RUFY1: variants seen among roughly 807,000 people sequenced by gnomAD.
The protein encoded by RUFY1 is RUN and FYVE domain containing 1, also known as RUN and FYVE domain-containing protein 1.
A neutral mutation model predicts 94.6 loss-of-function variants in RUFY1; 54 were observed. The observed-to-expected ratio is 0.57, with a 90% confidence interval of 0.46 to 0.72. The LOEUF is 0.72. RUFY1 is among the 30% of genes least tolerant of loss of function. The pLI is 0.00. For synonymous variants in RUFY1, 396 were observed against 347.3 expected (o/e 1.14, Z -1.56); for missense variants, 883 against 883.9 (o/e 1.00, Z 0.01).
intron 10 of RUFY1, among the ~76,000 whole-genome samples, chr5:179,592,406 C>T (rs1490709395): frequency 2.0e-5 from 3 of 152,204 alleles, no homozygotes; most frequent in Admixed American, 1.3e-4. Context: ...GCCTGAGCCA[C>T]CGTGCCCGGC....
intron 6 of RUFY1, among the ~76,000 whole-genome samples, chr5:179,578,058 T>C (rs1006563913): frequency 6.6e-6 from 1 of 152,186 alleles, no homozygotes; most frequent in Non-Finnish European, 1.5e-5. Flanking sequence ...CATGTCAATC[T>C]CATTCCTCCC....
intron 9 of RUFY1, chr5:179,591,050 T>C (rs1307623338): frequency 6.6e-6 from 1 of 152,000 alleles, no homozygotes; most frequent in Admixed American, 6.6e-5. Context: ...GCCAGGCTGG[T>C]GTCAAACTCC....
Position 179,609,606 on chromosome 5 carries a change from G to A in RUFY1, c.*87G>A, listed in dbSNP as rs1021640826. Reference sequence around the variant, plus strand: ...TTGGGAAATGTGTTCTTTCCCAAGAGTATCAAAGGAAAGAATCAAATTTCT... The same window carrying A: ...TTGGGAAATGTGTTCTTTCCCAAGAATATCAAAGGAAAGAATCAAATTTCT... On this transcript the variant is annotated 3_prime_UTR_variant, in exon 18 of 18. Transcript: ENST00000319449. 6.1e-6 allele frequency: 8 copies of A among 1,318,016 alleles called. No individual in the cohort carries two copies. Among genetic ancestry groups the A allele is most frequent in the African/African-American group, 6.0e-5 (4 of 66,852 alleles). 81.6% of individuals were successfully genotyped at this position (1,318,016 alleles called of 1,614,324 possible).
In RUFY1 at chr5:179,598,970, G is replaced by C. The variant is rs531901651; in HGVS notation, c.1761+149G>C. On this transcript the variant is annotated intron_variant, in intron 14 of 17. Coordinates refer to ENST00000319449, the MANE Select transcript of RUFY1 (RefSeq NM_025158.5). Reference sequence around the variant, plus strand: ...AGGCTGTTAGGGAGCTCCTGTTTTAGGAGCATAAGACAAAGACAAATCATA... The same window carrying C: ...AGGCTGTTAGGGAGCTCCTGTTTTACGAGCATAAGACAAAGACAAATCATA... 178 of 807,148 alleles carry C rather than the reference G, an allele frequency of 2.2e-4. 1 individual carries two copies. The East Asian group carries it at 4.5e-3, about 20-fold the overall frequency. The allele number at this position is 807,148 out of a possible 1,614,324, so 50.0% of individuals were successfully genotyped here. A position where few individuals can be genotyped will look rare whatever the true frequency, so the allele number is the denominator to read the frequency against.
intron 17 of RUFY1, among the ~76,000 whole-genome samples, chr5:179,608,920 C>CAA (rs57127812): frequency 1.6e-5 from 2 of 121,800 alleles, no homozygotes; most frequent in East Asian, 2.5e-4. Context: ...GACAGAGACT[C>CAA]AAAAAAAAAA....
At chr5:179,582,272 T>G (rs1357874331) in intron 7 of RUFY1, among the ~76,000 whole-genome samples, 1 of 152,024 alleles carries the variant, frequency 6.6e-6, no homozygotes, top group Non-Finnish European at 1.5e-5. Flanking sequence ...TCACCCAGGC[T>G]GGAGTGCTGT....
chr5:179,596,766 CACGA>C (rs1765686791), intron 13 of RUFY1, 85 bp downstream of exon 13: 2 of 701,310 alleles, frequency 2.9e-6, no homozygotes, highest in Non-Finnish European at 3.7e-6. Flanking sequence ...CCTGCTTCAG[CACGA>C]ACGGGAGGAG....
rs370258411 is a variant in RUFY1 at position 179,586,858 on chromosome 5, A to G, written c.1026+993A>G. Among the ~76,000 whole-genome samples, 4 of 152,184 alleles carry G rather than the reference A, an allele frequency of 2.6e-5. No individual in the cohort carries two copies. In the East Asian group the frequency reaches 5.8e-4, roughly 22 times the overall value. Reference sequence around the variant, plus strand: ...GTTGAGCCTCACTTTTGTCACCTCCAAATTAGGTAATAATACATCCTTTAC... The same window carrying G: ...GTTGAGCCTCACTTTTGTCACCTCCGAATTAGGTAATAATACATCCTTTAC... On this transcript the variant is annotated intron_variant, in intron 8 of 17. Transcript: ENST00000319449.
rs1378761980 is a variant in RUFY1 at position 179,567,497 on chromosome 5, T to A, written c.639T>A (p.Leu213=). 2 of 1,614,164 alleles carry A rather than the reference T, an allele frequency of 1.2e-6. No homozygotes were observed. Among genetic ancestry groups the A allele is most frequent in the Non-Finnish European group, 1.7e-6 (2 of 1,179,966 alleles). Residue 213 remains leucine, a synonymous_variant, in exon 4 of 18, where the codon CTT becomes CTA. Coordinates refer to ENST00000319449, the MANE Select transcript of RUFY1 (RefSeq NM_025158.5). Reference sequence around the variant, plus strand: ...GAAGAGGCCGAGCGTGGCTTTATCTTGCACTCATGCAAAAGAAACTGGCAG... The same window carrying A: ...GAAGAGGCCGAGCGTGGCTTTATCTAGCACTCATGCAAAAGAAACTGGCAG... ...AVGRGRAWLY[L]ALMQKKLADY...
chr5:179,606,012 T>G, intron 16 of RUFY1, 88 bp downstream of exon 16: 1 of 882,688 alleles, frequency 1.1e-6, no homozygotes, highest in African/African-American at 1.7e-5. Context: ...AACAGTCAGG[T>G]GAGAGCGTGT....
intron 8 of RUFY1, among the ~76,000 whole-genome samples, chr5:179,587,611 A>G (rs1764722343): frequency 7.1e-6 from 1 of 141,148 alleles, no homozygotes; most frequent in Non-Finnish European, 1.5e-5. Context: ...CATGTTAGCC[A>G]GGATGGTCTC....
intron 17 of RUFY1, among the ~76,000 whole-genome samples, chr5:179,608,897 C>T (rs1468423486): frequency 4.8e-5 from 7 of 146,880 alleles, no homozygotes; most frequent in African/African-American, 1.8e-4. Flanking sequence ...CGCCACTGCA[C>T]CCCAGCCTGG....
rs141889688 is a variant in RUFY1 at position 179,578,498 on chromosome 5, C to T, written c.890+1362C>T. On this transcript the variant is annotated intron_variant, in intron 6 of 17. Coordinates refer to ENST00000319449, the MANE Select transcript of RUFY1 (RefSeq NM_025158.5). ...CCTCCCAAAGTGCTGGGATTACAGG[C>T]GTGAGCCACCGCGCCCAGTCTAGTA... is the stretch of plus-strand genomic sequence containing the variant. 6.6e-3 allele frequency among the ~76,000 whole-genome samples: 1,009 copies of T among 152,112 alleles called. 15 individuals are homozygous for T. Among genetic ancestry groups the T allele is most frequent in the African/African-American group, 0.021 (880 of 41,486 alleles).
chr5:179,579,811 A>C (rs532643534), intron 6 of RUFY1, among the ~76,000 whole-genome samples: 1 of 151,276 alleles, frequency 6.6e-6, no homozygotes. Flanking sequence ...CTGCAGGTGC[A>C]TGCCACCACG....
chr5:179,553,700 G>T (rs1761970772), intron 1 of RUFY1, among the ~76,000 whole-genome samples: 1 of 152,148 alleles, frequency 6.6e-6, no homozygotes, highest in African/African-American at 2.4e-5. Context: ...TGAGGCAGGA[G>T]AATTGCTTGA....
At chr5:179,553,132 C>G (rs1171324135) in intron 1 of RUFY1, among the ~76,000 whole-genome samples, 1 of 152,242 alleles carries the variant, frequency 6.6e-6, no homozygotes, top group Non-Finnish European at 1.5e-5. Context: ...CCCACTCGAG[C>G]TGCCCTGGGG....
chr5:179,559,670 A>C, intron 1 of RUFY1: 1 of 1,030,282 alleles, frequency 9.7e-7, no homozygotes, highest in South Asian at 3.5e-5. Context: ...GGCTTCCTGT[A>C]GGTAGCGCCC....
In RUFY1 at chr5:179,598,811, G is replaced by A. The variant is rs1765969891; in HGVS notation, c.1751G>A (p.Gly584Glu). Reference protein sequence around the residue: ...LLRMELQQVEGLKKELRELQD... With the variant: ...LLRMELQQVEELKKELRELQD... ...AGGATGGAGCTGCAACAAGTGGAAGGACTGAAAAAGGTGAGGTGGGCCATC... is the reference window on the plus strand; with the variant it reads ...AGGATGGAGCTGCAACAAGTGGAAGAACTGAAAAAGGTGAGGTGGGCCATC... The change falls in exon 14 of 18, where the codon GGA becomes GAA. Residue 584 changes from glycine (G) to glutamate (E), a missense_variant. Physicochemically the swap from Gly to Glu is moderately conservative, Grantham distance 98 (BLOSUM62 -2). Coordinates refer to ENST00000319449, the MANE Select transcript of RUFY1 (RefSeq NM_025158.5). The A allele has an allele frequency of 6.2e-7, 1 of 1,614,122 alleles. No individual in the cohort carries two copies. The highest frequency in any genetic ancestry group is 8.5e-7 in the Non-Finnish European group (1 of 1,180,018).
At position 179,609,751 on chromosome 5, in the gene RUFY1, G is replaced by A. The variant is rs761435942; in HGVS notation, c.*232G>A. 2.8e-5 allele frequency: 13 copies of A among 462,756 alleles called. No individual in the cohort carries two copies. The highest frequency in any genetic ancestry group is 8.2e-5 in the Admixed American group (2 of 24,478). 28.7% of individuals were successfully genotyped at this position (462,756 alleles called of 1,614,324 possible). ...CTTCCATCTTACTTGGTTACATCAC[G>A]GCTCTGGTTCAGATACAACTTCATG... On this transcript the variant is annotated 3_prime_UTR_variant, in exon 18 of 18. Coordinates refer to ENST00000319449, the MANE Select transcript of RUFY1 (RefSeq NM_025158.5).
Sources: allele counts gnomAD v4.1 joint callset (sites outside exome capture counted in the v4.1 genomes callset), GRCh38; gene constraint gnomAD v4.1.1; transcripts MANE v1.5; gene names NCBI Gene and HGNC (gene_info 2026-07-23, HGNC 2026-07-21).